KCNMA1: variants seen among roughly 807,000 people sequenced by gnomAD.
KCNMA1 encodes the protein Calcium-activated potassium channel subunit alpha-1.
KCNMA1 carries 29 observed loss-of-function variants against 140.0 expected under a neutral mutation model. The observed-to-expected ratio is 0.21, with a 90% CI of 0.15 to 0.28. The LOEUF is 0.28. Ranked by LOEUF, KCNMA1 falls within the 10% of genes least tolerant of loss-of-function variation. The pLI, the probability that KCNMA1 is intolerant of heterozygous loss-of-function variation, is 1.00. For missense variants in KCNMA1, 880 were observed against 1,602.2 expected (o/e 0.55, Z 7.70); for synonymous variants, 612 against 611.9 (o/e 1.00, Z 0.00).
At chr10:77,583,297 C>T (rs1051019355) in intron 1 of KCNMA1, among the ~76,000 whole-genome samples, 1 of 152,222 alleles carries the variant, frequency 6.6e-6, no homozygotes, top group Non-Finnish European at 1.5e-5. Context: ...GAGGTCAATG[C>T]ATCACTGGCC....
intron 2 of KCNMA1, among the ~76,000 whole-genome samples, chr10:77,294,654 C>T (rs2074366402): frequency 6.6e-6 from 1 of 152,224 alleles, no homozygotes; most frequent in Non-Finnish European, 1.5e-5. Context: ...CACAGTGACT[C>T]ACGCCTGTAA....
At chr10:77,438,933 C>A (rs374627305) in intron 1 of KCNMA1, among the ~76,000 whole-genome samples, 1 of 151,854 alleles carries the variant, frequency 6.6e-6, no homozygotes, top group African/African-American at 2.4e-5. Flanking sequence ...AAAAATTAGC[C>A]GGGGTGATGG....
intron 1 of KCNMA1, chr10:77,636,984 C>G (rs1445841605): frequency 1.4e-6 from 2 of 1,409,942 alleles, no homozygotes; most frequent in African/African-American, 2.9e-5. Context: ...CGACCCCGGC[C>G]CCAGCCGCAG....
intron 2 of KCNMA1, among the ~76,000 whole-genome samples, chr10:77,383,678 C>CT (rs1362489778): frequency 1.3e-5 from 2 of 151,898 alleles, no homozygotes; most frequent in Admixed American, 6.6e-5. Context: ...TTTTTACAGT[C>CT]TTTTTTTGTA....
At chr10:77,295,810 A>C (rs1238544348) in intron 2 of KCNMA1, among the ~76,000 whole-genome samples, 2 of 149,192 alleles carry the variant, frequency 1.3e-5, no homozygotes, top group African/African-American at 2.5e-5. Flanking sequence ...AAAAAAAAAA[A>C]AAAAAAACAG....
At chr10:77,596,675 C>G (rs1422134602) in intron 1 of KCNMA1, among the ~76,000 whole-genome samples, 2 of 152,196 alleles carry the variant, frequency 1.3e-5, no homozygotes, top group Admixed American at 1.3e-4. Flanking sequence ...GAATCTGTTT[C>G]CATGCAGTTC....
At chr10:77,442,692 G>T (rs10824547) in intron 1 of KCNMA1, among the ~76,000 whole-genome samples, 15,485 of 152,114 alleles carry the variant, frequency 0.1, 827 homozygotes, top group South Asian at 0.15. Flanking sequence ...GGTGTTACTG[G>T]CAGCTTTTCT....
chr10:77,542,983 AAACAGCAG>A (rs1310118194), intron 1 of KCNMA1, among the ~76,000 whole-genome samples: 8 of 151,996 alleles, frequency 5.3e-5, no homozygotes, highest in Non-Finnish European at 7.4e-5. Context: ...AAGAGCTATA[AAACAGCAG>A]CATGAACAAT....
rs537350694 is a variant in KCNMA1, at chr10:77,123,859, G to A, written c.809-2811C>T. 1.1e-3 allele frequency among the ~76,000 whole-genome samples: 161 copies of A among 152,274 alleles called. 2 individuals are homozygous for A. Among genetic ancestry groups the A allele is most frequent in the Middle Eastern group, 6.8e-3 (2 of 294 alleles). ...AGGGTTAGTTGAACACAGGTAACAT[G>A]GGTTACAGCAAGACATCGGTCTGCC... On this transcript the variant is annotated intron_variant, in intron 5 of 27. Transcript: ENST00000286628.
chr10:77,500,145 C>T (rs1299920124), intron 1 of KCNMA1, among the ~76,000 whole-genome samples: 6 of 150,846 alleles, frequency 4.0e-5, no homozygotes, highest in Admixed American at 3.3e-4. Context: ...TACAGATAGA[C>T]AAAAAAGACT....
In KCNMA1 at chr10:76,886,027, G is replaced by C. The variant is rs2036746019; in HGVS notation, c.*1239C>G. On this transcript the variant is annotated 3_prime_UTR_variant, in exon 28 of 28. Transcript: ENST00000286628. ...TCCTTCCCACCAGCTTTCTGCATTG[G>C]GACAGCCAGCACCGCACAGCTGTGC... is the stretch of plus-strand genomic sequence containing the variant. 1 of 985,380 alleles carries C rather than the reference G, an allele frequency of 1.0e-6. No individual in the cohort carries two copies. The highest frequency in any genetic ancestry group is 1.2e-6 in the Non-Finnish European group (1 of 829,944). 61.0% of individuals were successfully genotyped at this position (985,380 alleles called of 1,614,324 possible). A position where few individuals can be genotyped will look rare whatever the true frequency, so the allele number is the denominator to read the frequency against.
At chr10:77,462,568 C>T (rs890353027) in intron 1 of KCNMA1, among the ~76,000 whole-genome samples, 2 of 152,224 alleles carry the variant, frequency 1.3e-5, no homozygotes, top group Non-Finnish European at 2.9e-5. Flanking sequence ...CACACCCTCA[C>T]ACATGCACTT....
intron 24 of KCNMA1, chr10:76,914,356 T>C: frequency 1.8e-6 from 1 of 555,806 alleles, no homozygotes; most frequent in Non-Finnish European, 3.2e-6. Flanking sequence ...TAGATTCTAT[T>C]GTCCAACCAA....
chr10:77,338,557 C>G (rs1230390202), intron 2 of KCNMA1, among the ~76,000 whole-genome samples: 1 of 152,168 alleles, frequency 6.6e-6, no homozygotes, highest in East Asian at 1.9e-4. Flanking sequence ...ATCTGTCTGT[C>G]CTGCAGAGCT....
In KCNMA1 at chr10:77,084,724, G is replaced by C; in HGVS notation, c.1441-5C>G. Reference sequence around the variant, plus strand: ...GCATGCATCTGCTGACTCTATCTAAGACACCGAAAGGAAAATTCACAGAAC... The same window carrying C: ...GCATGCATCTGCTGACTCTATCTAACACACCGAAAGGAAAATTCACAGAAC... On this transcript the variant is annotated splice_region_variant and splice_polypyrimidine_tract_variant and intron_variant, in intron 11 of 27. Transcript: ENST00000286628. The C allele has an allele frequency of 6.2e-7, 1 of 1,608,348 alleles. No individual in the cohort carries two copies. The highest frequency in any genetic ancestry group is 8.5e-7 in the Non-Finnish European group (1 of 1,175,072).
At chr10:77,556,777 A>T (rs967166776) in intron 1 of KCNMA1, among the ~76,000 whole-genome samples, 13 of 152,194 alleles carry the variant, frequency 8.5e-5, no homozygotes, top group African/African-American at 2.6e-4. Context: ...CTCCGCACAC[A>T]ATAGTCATTC....
intron 1 of KCNMA1, among the ~76,000 whole-genome samples, chr10:77,552,513 C>T (rs2063109905): frequency 6.6e-6 from 1 of 152,210 alleles, no homozygotes. Flanking sequence ...AGCTACCACA[C>T]ATACCCAGTG....
chr10:77,591,481 T>C (rs2154564842), intron 1 of KCNMA1, among the ~76,000 whole-genome samples: 1 of 152,288 alleles, frequency 6.6e-6, no homozygotes, highest in South Asian at 2.1e-4. Flanking sequence ...GCATCATCAA[T>C]AAGCACCACC....
intron 1 of KCNMA1, among the ~76,000 whole-genome samples, chr10:77,430,918 T>C (rs967977646): frequency 3.9e-5 from 6 of 152,172 alleles, no homozygotes; most frequent in African/African-American, 1.4e-4. Flanking sequence ...TTGATTATAA[T>C]TCACAGATCG....
Sources: allele counts gnomAD v4.1 joint callset (sites outside exome capture counted in the v4.1 genomes callset), GRCh38; gene constraint gnomAD v4.1.1; transcripts MANE v1.5; gene names NCBI Gene and HGNC (gene_info 2026-07-23, HGNC 2026-07-21).